SLC9C1: variants seen among roughly 807,000 people sequenced by gnomAD.
SLC9C1 encodes solute carrier family 9 member C1.
A neutral mutation model predicts 140.9 loss-of-function variants in SLC9C1; 97 were observed. The observed-to-expected ratio is 0.69, with a 90% CI of 0.58 to 0.82. SLC9C1 has a LOEUF of 0.82. SLC9C1 is among the 40% of genes least tolerant of loss of function. The pLI is 0.00. For missense variants in SLC9C1, 1,340 were observed against 1,389.3 expected, an observed-to-expected ratio of 0.96 and a Z score of 0.56; for synonymous variants, 440 against 442.6, an observed-to-expected ratio of 0.99 and a Z score of 0.07.
chr3:112,164,638 G>A (rs1230865846), intron 26 of SLC9C1, among the ~76,000 whole-genome samples: 1 of 151,054 alleles, frequency 6.6e-6, no homozygotes, highest in Non-Finnish European at 1.5e-5. Flanking sequence ...CTCCTGAGAG[G>A]TCCGCTATTA....
intron 28 of SLC9C1, among the ~76,000 whole-genome samples, chr3:112,144,162 G>T (rs2074713798): frequency 7.1e-6 from 1 of 139,874 alleles, no homozygotes; most frequent in African/African-American, 2.6e-5. Context: ...TTATAGTATT[G>T]TGATGCCCTG....
At chr3:112,273,174 G>A (rs939648612) in intron 6 of SLC9C1, among the ~76,000 whole-genome samples, 1 of 151,958 alleles carries the variant, frequency 6.6e-6, no homozygotes, top group African/African-American at 2.4e-5. Flanking sequence ...AAAAGCTTCT[G>A]AATATAGAAA....
intron 1 of SLC9C1, among the ~76,000 whole-genome samples, chr3:112,289,455 T>C (rs2080614386): frequency 6.6e-6 from 1 of 152,208 alleles, no homozygotes; most frequent in Admixed American, 6.5e-5. Context: ...AGAGCTAAGA[T>C]ACAGCTGTGA....
rs1344141214 is a variant in SLC9C1 at position 112,286,862 on chromosome 3, TCA to T, written c.-73_-72del. ...ATATGATCATCCATCTTGTTGTTTT[TCA>T]CAGTCCATCTGAATCTAAGAAACAT... On this transcript the variant is annotated 5_prime_UTR_variant, in exon 2 of 29. The change creates a premature stop within an existing upstream ORF in the 5' untranslated region. Transcript: ENST00000305815. 9.7e-7 allele frequency: 1 copy of T among 1,027,150 alleles called. No individual in the cohort carries two copies. Among genetic ancestry groups the T allele is most frequent in the Admixed American group, 2.3e-5 (1 of 42,832 alleles). 63.6% of individuals were successfully genotyped at this position (1,027,150 alleles called of 1,614,324 possible). A position where few individuals can be genotyped will look rare whatever the true frequency, so the allele number is the denominator to read the frequency against.
At chr3:112,156,504 A>G (rs998825219) in intron 26 of SLC9C1, among the ~76,000 whole-genome samples, 10 of 152,240 alleles carry the variant, frequency 6.6e-5, no homozygotes, top group African/African-American at 2.2e-4. Flanking sequence ...TCGCTTCAAC[A>G]TACTGATTTT....
chr3:112,168,833 C>T lies in SLC9C1; in HGVS notation c.3237+44G>A, dbSNP rs1437416148. On this transcript the variant is annotated intron_variant, in intron 25 of 28. Coordinates refer to ENST00000305815, the MANE Select transcript of SLC9C1 (RefSeq NM_183061.3). Reference sequence around the variant, plus strand: ...TTTCTGACGTTAATACATTGTTGGACATATGGCATATTGATCTGAAGACAG... The same window carrying T: ...TTTCTGACGTTAATACATTGTTGGATATATGGCATATTGATCTGAAGACAG... The T allele has an allele frequency of 2.7e-6, 4 of 1,474,372 alleles. No individual in the cohort carries two copies. In the African/African-American group the frequency reaches 4.2e-5, roughly 16 times the overall value. The allele number at this position is 1,474,372 out of a possible 1,614,324, so 91.3% of individuals were successfully genotyped here.
intron 10 of SLC9C1, among the ~76,000 whole-genome samples, chr3:112,250,283 G>A (rs1352410659): frequency 6.6e-6 from 1 of 151,770 alleles, no homozygotes; most frequent in Admixed American, 6.6e-5. Context: ...TGGTGTATAT[G>A]TGCCACATTT....
chr3:112,154,128 C>T (rs1249799544), intron 27 of SLC9C1, among the ~76,000 whole-genome samples: 3 of 152,062 alleles, frequency 2.0e-5, no homozygotes, highest in African/African-American at 7.2e-5. Context: ...GCTAATAGAA[C>T]AAATAGGCTT....
chr3:112,160,613 G>C (rs1490294780), intron 26 of SLC9C1, among the ~76,000 whole-genome samples: 8 of 151,484 alleles, frequency 5.3e-5, no homozygotes, highest in Non-Finnish European at 1.0e-4. Context: ...CATTTTTTAT[G>C]GCTGCATAGT....
At chr3:112,182,035 G>A (rs2077448645) in intron 21 of SLC9C1, 98 bp downstream of exon 21, 9 of 976,174 alleles carry the variant, frequency 9.2e-6, no homozygotes, top group Non-Finnish European at 1.3e-5. Flanking sequence ...GGAACATTTA[G>A]AGAATATTAA....
chr3:112,267,805 AAAG>A (rs1238848086), intron 7 of SLC9C1, among the ~76,000 whole-genome samples: 3 of 152,112 alleles, frequency 2.0e-5, no homozygotes, highest in Admixed American at 2.0e-4. Context: ...TTGAATCATG[AAAG>A]AAGAAGAAAT....
In SLC9C1 at chr3:112,183,349, C is replaced by CTTTTTTTTTTTT. The variant is rs200437815; in HGVS notation, c.2524-1103_2524-1092dup. 1.4e-3 allele frequency among the ~76,000 whole-genome samples: 134 copies of CTTTTTTTTTTTT among 95,350 alleles called. 14 individuals carry two copies. The highest frequency in any genetic ancestry group is 2.5e-3 in the African/African-American group (51 of 20,370). 62.6% of individuals were successfully genotyped at this position (95,350 alleles called of 152,430 possible). On this transcript the variant is annotated intron_variant, in intron 20 of 28. Coordinates refer to ENST00000305815, the MANE Select transcript of SLC9C1 (RefSeq NM_183061.3). ...ACGACAATGATATTTAGCACCTTTT[C>CTTTTTTTTTTTT]TTTTTTTTTTTTTTTTTTTTTCAGC...
chr3:112,260,001 A>G (rs10934156), intron 10 of SLC9C1, among the ~76,000 whole-genome samples: 44,998 of 151,950 alleles, frequency 0.3, 7,222 homozygotes, highest in East Asian at 0.43. Flanking sequence ...TTCCATAAAT[A>G]TCAATTGGAT....
intron 26 of SLC9C1, among the ~76,000 whole-genome samples, chr3:112,156,655 G>A (rs2075135549): frequency 6.6e-6 from 1 of 151,842 alleles, no homozygotes; most frequent in South Asian, 2.1e-4. Flanking sequence ...TAGTGTACAG[G>A]TGTTCCCCTT....
intron 15 of SLC9C1, among the ~76,000 whole-genome samples, chr3:112,212,309 C>G (rs2078230073): frequency 6.6e-6 from 1 of 152,186 alleles, no homozygotes; most frequent in Non-Finnish European, 1.5e-5. Flanking sequence ...CTCTCCCCCT[C>G]CAAAAGAACA....
At chr3:112,253,180 A>C (rs999366418) in intron 10 of SLC9C1, among the ~76,000 whole-genome samples, 1 of 152,158 alleles carries the variant, frequency 6.6e-6, no homozygotes, top group Non-Finnish European at 1.5e-5. Flanking sequence ...ACTCACCTGC[A>C]TCTCTCTGGG....
At chr3:112,158,805 T>G (rs933430142) in intron 26 of SLC9C1, among the ~76,000 whole-genome samples, 1 of 151,966 alleles carries the variant, frequency 6.6e-6, no homozygotes, top group South Asian at 2.1e-4. Flanking sequence ...TTTGTTCGTG[T>G]ATAATTTTTC....
rs2077984817 is a variant in SLC9C1, at chr3:112,204,298, T to C, written c.2092A>G (p.Ile698Val). 6.4e-7 allele frequency: 1 copy of C among 1,564,602 alleles called. No homozygotes were observed. Among genetic ancestry groups the C allele is most frequent in the East Asian group, 2.4e-5 (1 of 40,852 alleles). The change falls in exon 17 of 29, where the codon ATT becomes GTT. Residue 698 changes from isoleucine (I) to valine (V), a missense_variant. Transcript: ENST00000305815. ...TCAGTCTCATTAAAAATATACTTAATGGTGTCTATTTCAATAAGTATTACA... is the reference window on the plus strand; with the variant it reads ...TCAGTCTCATTAAAAATATACTTAACGGTGTCTATTTCAATAAGTATTACA... ...LHVILIEIDT[I>V]KYIFNETEVI... is the part of the protein sequence containing the mutation.
chr3:112,210,108 G>A (rs2078161444), intron 15 of SLC9C1, among the ~76,000 whole-genome samples: 1 of 152,154 alleles, frequency 6.6e-6, no homozygotes, highest in African/African-American at 2.4e-5. Flanking sequence ...CAATTTGGTG[G>A]TTACTCAAGA....
Sources: allele counts gnomAD v4.1 joint callset (sites outside exome capture counted in the v4.1 genomes callset), GRCh38; gene constraint gnomAD v4.1.1; transcripts MANE v1.5; gene names NCBI Gene and HGNC (gene_info 2026-07-23, HGNC 2026-07-21).